NXPH1: variants seen among roughly 807,000 people sequenced by gnomAD.
The protein encoded by NXPH1 is neurexophilin-1.
NXPH1 carries 5 observed loss-of-function variants against 23.7 expected under a neutral mutation model. That is an observed-to-expected ratio of 0.21 (90% CI 0.11 to 0.44). NXPH1 has a LOEUF of 0.44. Among genes scored for constraint, NXPH1 ranks in the 20% least tolerant of loss-of-function variants. The pLI is 0.99. For missense variants in NXPH1, 324 were observed against 321.6 expected (o/e 1.01, Z -0.06); for synonymous variants, 144 against 122.2 (o/e 1.18, Z -1.18).
rs1471901428 is a variant in NXPH1 at position 8,435,411 on chromosome 7, C to A, written c.-110-193C>A. ...CCTCACCCTCCCTCTCGTCCGCCCG[C>A]CCGCCTCCCCAGCTGCGGACCGCGC... is the stretch of plus-strand genomic sequence containing the variant. On this transcript the variant is annotated intron_variant, in intron 1 of 2. Coordinates refer to ENST00000405863, the MANE Select transcript of NXPH1 (RefSeq NM_152745.3). The surrounding 1 kb of genome is among the most constrained non-coding windows in gnomAD (Gnocchi z 5.9). The A allele has an allele frequency of 4.2e-6, 2 of 481,822 alleles. No individual in the cohort carries two copies. The highest frequency in any genetic ancestry group is 4.0e-5 in the African/African-American group (2 of 50,598). 29.8% of individuals were successfully genotyped at this position (481,822 alleles called of 1,614,324 possible).
At position 8,552,538 on chromosome 7, in the gene NXPH1, C is replaced by T. The variant is rs965120160; in HGVS notation, c.54+116771C>T. On this transcript the variant is annotated intron_variant, in intron 2 of 2. Transcript: ENST00000405863. ...CAAAAATACCAGGTAATATGGGTAC[C>T]ATTTCCCTGGCTTTTGCATTTTAAA... 7.9e-5 allele frequency among the ~76,000 whole-genome samples: 12 copies of T among 151,434 alleles called. No individual in the cohort carries two copies. The East Asian group carries it at 2.3e-3, about 30-fold the overall frequency.
intron 2 of NXPH1, among the ~76,000 whole-genome samples, chr7:8,485,497 C>G (rs1184146243): frequency 6.6e-6 from 1 of 152,070 alleles, no homozygotes. Context: ...AGAGGAACTT[C>G]TAATTTCTCA....
intron 2 of NXPH1, among the ~76,000 whole-genome samples, chr7:8,458,169 T>C (rs1816633124): frequency 1.3e-5 from 2 of 152,236 alleles, no homozygotes; most frequent in African/African-American, 4.8e-5. Context: ...TCTGTGGGAC[T>C]GTACTGATGT....
At chr7:8,745,176 A>G (rs916033055) in intron 2 of NXPH1, among the ~76,000 whole-genome samples, 4 of 152,226 alleles carry the variant, frequency 2.6e-5, no homozygotes, top group Non-Finnish European at 4.4e-5. Context: ...GTTCAGCAGT[A>G]AGAAGCTATT....
intron 2 of NXPH1, among the ~76,000 whole-genome samples, chr7:8,457,112 A>G (rs1816609390): frequency 6.6e-6 from 1 of 152,182 alleles, no homozygotes; most frequent in Non-Finnish European, 1.5e-5. Context: ...CCATTTTAAA[A>G]TGGCTTTTAA....
intron 2 of NXPH1, among the ~76,000 whole-genome samples, chr7:8,511,827 G>T (rs934768861): frequency 2.6e-5 from 4 of 152,122 alleles, no homozygotes; most frequent in Non-Finnish European, 5.9e-5. Context: ...TTTCAGTCCT[G>T]GTGCAGGCAG....
chr7:8,532,372 A>G lies in NXPH1; in HGVS notation c.54+96605A>G, dbSNP rs1817960591. Among the ~76,000 whole-genome samples the G allele has an allele frequency of 2.0e-5, 3 of 147,350 alleles. No homozygotes were observed. The South Asian group carries it at 6.4e-4, about 31-fold the overall frequency. On this transcript the variant is annotated intron_variant, in intron 2 of 2. Transcript: ENST00000405863. ...ACACCTTCAGGCAGGAAAGAAGGAAAGCATTTGCTGCAGCCTGCCCCTATG... is the reference window on the plus strand; with the variant it reads ...ACACCTTCAGGCAGGAAAGAAGGAAGGCATTTGCTGCAGCCTGCCCCTATG...
intron 2 of NXPH1, among the ~76,000 whole-genome samples, chr7:8,561,433 G>C (rs1818444232): frequency 6.7e-6 from 1 of 150,212 alleles, no homozygotes; most frequent in Admixed American, 6.6e-5. Context: ...TCCCTCCTCT[G>C]GGCTGTTTTC....
chr7:8,503,340 C>A (rs1473422852), intron 2 of NXPH1, among the ~76,000 whole-genome samples: 1 of 152,074 alleles, frequency 6.6e-6, no homozygotes, highest in Non-Finnish European at 1.5e-5. Flanking sequence ...AGTATTTTGA[C>A]TCCATAGTCT....
chr7:8,481,723 T>C (rs1817075825), intron 2 of NXPH1, among the ~76,000 whole-genome samples: 1 of 152,200 alleles, frequency 6.6e-6, no homozygotes, highest in South Asian at 2.1e-4. Flanking sequence ...TGCAGGTTTG[T>C]TACCTGGGTA....
chr7:8,588,281 G>A (rs1043493556), intron 2 of NXPH1, among the ~76,000 whole-genome samples: 3 of 152,124 alleles, frequency 2.0e-5, no homozygotes, highest in South Asian at 2.1e-4. Flanking sequence ...TCATTCTACT[G>A]TAAAGACACA....
chr7:8,580,950 C>A (rs1818856448), intron 2 of NXPH1, among the ~76,000 whole-genome samples: 1 of 152,100 alleles, frequency 6.6e-6, no homozygotes, highest in African/African-American at 2.4e-5. Context: ...ACCATCAATT[C>A]TTCTAGTCCT....
chr7:8,710,800 C>G (rs1016473450), intron 2 of NXPH1, among the ~76,000 whole-genome samples: 1 of 138,376 alleles, frequency 7.2e-6, no homozygotes, highest in Non-Finnish European at 1.5e-5. Flanking sequence ...GTAGCTGGGA[C>G]TACAGGCGCC....
chr7:8,594,266 G>A (rs1357006854), intron 2 of NXPH1, among the ~76,000 whole-genome samples: 1 of 152,048 alleles, frequency 6.6e-6, no homozygotes. Flanking sequence ...TTTGCAGGAA[G>A]AGGAAGTGTT....
intron 2 of NXPH1, among the ~76,000 whole-genome samples, chr7:8,544,744 TG>T (rs910409695): frequency 1.3e-5 from 2 of 151,602 alleles, no homozygotes; most frequent in African/African-American, 2.4e-5. Flanking sequence ...GTATAAAGAG[TG>T]GTTTTCATCA....
chr7:8,638,846 A>C (rs1820260075), intron 2 of NXPH1, among the ~76,000 whole-genome samples: 1 of 152,146 alleles, frequency 6.6e-6, no homozygotes, highest in African/African-American at 2.4e-5. Context: ...CGTATTTTAC[A>C]ATCACAACAT....
At chr7:8,454,952 A>G (rs770432488) in intron 2 of NXPH1, among the ~76,000 whole-genome samples, 2 of 152,186 alleles carry the variant, frequency 1.3e-5, no homozygotes, top group African/African-American at 4.8e-5. Flanking sequence ...TTTCAAAAGA[A>G]GTATGTTTTC....
At chr7:8,727,109 T>A (rs577673164) in intron 2 of NXPH1, among the ~76,000 whole-genome samples, 2 of 148,772 alleles carry the variant, frequency 1.3e-5, no homozygotes, top group African/African-American at 5.1e-5. Flanking sequence ...TTTTTTCATG[T>A]GTTTTTTCGG....
At chr7:8,591,925 G>A (rs1819103951) in intron 2 of NXPH1, among the ~76,000 whole-genome samples, 1 of 150,396 alleles carries the variant, frequency 6.6e-6, no homozygotes, top group African/African-American at 2.4e-5. Flanking sequence ...CTTTAATGGT[G>A]ACCTTCAGGG....
Sources: allele counts gnomAD v4.1 joint callset (sites outside exome capture counted in the v4.1 genomes callset), GRCh38; gene constraint gnomAD v4.1.1; non-coding constraint Gnocchi (gnomAD v3.1); transcripts MANE v1.5; gene names NCBI Gene and HGNC (gene_info 2026-07-23, HGNC 2026-07-21).